TEX101: variants seen among roughly 807,000 people sequenced by gnomAD.
TEX101 encodes the protein testis expressed 101.
TEX101 carries 10 observed loss-of-function variants against 18.1 expected under a neutral mutation model. The observed-to-expected ratio is 0.55, with a 90% CI of 0.34 to 0.94. TEX101 has a LOEUF of 0.94. TEX101 is among the 40% of genes least tolerant of loss of function. TEX101 has a pLI of 0.02. For missense variants in TEX101, 259 were observed against 298.9 expected, an observed-to-expected ratio of 0.87 and a Z score of 0.98; for synonymous variants, 94 against 114.8, an observed-to-expected ratio of 0.82 and a Z score of 1.16.
At chr19:43,416,025 G>A (rs755830576) in intron 2 of TEX101, 42 bp downstream of exon 2, 66 of 1,611,784 alleles carry the variant, frequency 4.1e-5, no homozygotes, top group Non-Finnish European at 2.7e-5. Context: ...TGTCACAGAA[G>A]GTGGACTGAT....
chr19:43,412,225 G>A (rs557717671), upstream of TEX101, among the ~76,000 whole-genome samples: 79 of 152,302 alleles, frequency 5.2e-4, no homozygotes, highest in African/African-American at 1.9e-3. Flanking sequence ...GCCTCAGAGA[G>A]CTTTTACTTA....
At chr19:43,398,973 C>T (rs1262245698), upstream of TEX101, among the ~76,000 whole-genome samples, 3 of 152,136 alleles carry the variant, frequency 2.0e-5, no homozygotes, top group Non-Finnish European at 2.9e-5. Flanking sequence ...GATTGAATGC[C>T]GCCTAGTTCA....
rs759761950 is a variant in TEX101, at chr19:43,418,418, G to A, written c.*21G>A. 1.3e-6 allele frequency: 2 copies of A among 1,591,984 alleles called. No individual in the cohort carries two copies. Among genetic ancestry groups the A allele is most frequent in the Admixed American group, 1.7e-5 (1 of 58,358 alleles). On this transcript the variant is annotated 3_prime_UTR_variant, in exon 6 of 6. Coordinates refer to ENST00000598265, the MANE Select transcript of TEX101 (RefSeq NM_001130011.3). Reference sequence around the variant, plus strand: ...CCTAAGAAGGCACTTCTGGGCCTGGGTCTGAGGACATCTTTTTTGACTGGG... The same window carrying A: ...CCTAAGAAGGCACTTCTGGGCCTGGATCTGAGGACATCTTTTTTGACTGGG...
chr19:43,409,423 C>T (rs1348809588), intron 3 of TEX101, among the ~76,000 whole-genome samples: 1 of 152,110 alleles, frequency 6.6e-6, no homozygotes, highest in Non-Finnish European at 1.5e-5. Context: ...AGCTTTAGAC[C>T]TAACAATGTT....
At chr19:43,413,965 A>T (rs1316478661), upstream of TEX101, among the ~76,000 whole-genome samples, 1 of 151,794 alleles carries the variant, frequency 6.6e-6, no homozygotes, top group African/African-American at 2.4e-5. Context: ...CAAAAAAAAA[A>T]TACAAAAAAT....
At chr19:43,390,536 C>T in the TEX101 span, among the ~76,000 whole-genome samples, 2 of 117,356 alleles carry the variant, frequency 1.7e-5, no homozygotes, top group Non-Finnish European at 1.6e-5. Context: ...GGCGTGATCT[C>T]GGCTCACTGC....
chr19:43,388,976 C>A, the TEX101 span, among the ~76,000 whole-genome samples: 2 of 152,084 alleles, frequency 1.3e-5, no homozygotes, highest in African/African-American at 4.8e-5. Flanking sequence ...CCGGGCCCTG[C>A]CTCTCCTGGT....
At chr19:43,400,986 G>A (rs1434477181), upstream of TEX101, among the ~76,000 whole-genome samples, 3 of 152,078 alleles carry the variant, frequency 2.0e-5, no homozygotes, top group Non-Finnish European at 4.4e-5. Flanking sequence ...TTCTTTGAGG[G>A]CTGAGCTGAT....
At chr19:43,413,839 G>A (rs951871795), upstream of TEX101, among the ~76,000 whole-genome samples, 9 of 152,038 alleles carry the variant, frequency 5.9e-5, no homozygotes, top group African/African-American at 2.2e-4. Context: ...TGTAATCCTA[G>A]CTGCTCAGGG....
At chr19:43,413,088 G>A (rs1384235691), upstream of TEX101, among the ~76,000 whole-genome samples, 3 of 152,172 alleles carry the variant, frequency 2.0e-5, no homozygotes, top group Non-Finnish European at 4.4e-5. Context: ...GACATTATAT[G>A]AAAAAGCATT....
chr19:43,393,796 C>T, the TEX101 span, among the ~76,000 whole-genome samples: 43 of 149,998 alleles, frequency 2.9e-4, no homozygotes, highest in Middle Eastern at 0.014. Flanking sequence ...TGGTAAGGTG[C>T]GGAGCAGGGG....
At chr19:43,409,193 TGTA>T (rs1370517168) in intron 3 of TEX101, among the ~76,000 whole-genome samples, 2 of 152,178 alleles carry the variant, frequency 1.3e-5, no homozygotes, top group Non-Finnish European at 2.9e-5. Flanking sequence ...AAGAAAGTGA[TGTA>T]GAAGAAACTA....
intron 3 of TEX101, among the ~76,000 whole-genome samples, chr19:43,407,359 C>T (rs1004234530): frequency 6.6e-6 from 1 of 152,068 alleles, no homozygotes; most frequent in Admixed American, 6.6e-5. Context: ...GTGGCGCATG[C>T]CTGTAATCCC....
chr19:43,403,329 T>C (rs1344596089), intron 2 of TEX101, among the ~76,000 whole-genome samples: 1 of 152,212 alleles, frequency 6.6e-6, no homozygotes, highest in Non-Finnish European at 1.5e-5. Context: ...AGAAACTTCA[T>C]GCTGTATCAG....
chr19:43,405,579 G>GCAAAGA (rs1348334301), intron 2 of TEX101, among the ~76,000 whole-genome samples: 1 of 143,484 alleles, frequency 7.0e-6, no homozygotes, highest in Non-Finnish European at 1.5e-5. Flanking sequence ...AAAAAAAGAG[G>GCAAAGA]CAAAGACAAA....
chr19:43,394,388 A>T, the TEX101 span, among the ~76,000 whole-genome samples: 2 of 152,106 alleles, frequency 1.3e-5, no homozygotes, highest in African/African-American at 4.8e-5. Context: ...TAAAACACCC[A>T]GACTCCAGAG....
chr19:43,414,863 G>C, upstream of TEX101: 1 of 985,458 alleles, frequency 1.0e-6, no homozygotes, highest in Non-Finnish European at 1.2e-6. Flanking sequence ...AGTGCTGTGT[G>C]GCCAGGCTGG....
chr19:43,397,268 C>T (rs1344425875), upstream of TEX101, among the ~76,000 whole-genome samples: 1 of 152,056 alleles, frequency 6.6e-6, no homozygotes, highest in Non-Finnish European at 1.5e-5. Flanking sequence ...CTAGAAAGGT[C>T]ACTCACATGG....
intron 4 of TEX101, among the ~76,000 whole-genome samples, chr19:43,417,147 A>G (rs1334764608): frequency 1.3e-5 from 2 of 151,956 alleles, no homozygotes; most frequent in African/African-American, 4.8e-5. Context: ...CAGTTCCCCA[A>G]TTTACAAGGC....
Sources: allele counts gnomAD v4.1 joint callset (sites outside exome capture counted in the v4.1 genomes callset), GRCh38; gene constraint gnomAD v4.1.1; transcripts MANE v1.5; gene names NCBI Gene and HGNC (gene_info 2026-07-23, HGNC 2026-07-21).